The following TARP variants were observed in gnomAD, a reference collection of about 807,000 sequenced individuals.
chr7:38,267,690 A>G, the TARP span, among the ~76,000 whole-genome samples: 1 of 150,924 alleles, frequency 6.6e-6, no homozygotes. Flanking sequence ...GAGACAGTGT[A>G]TATTTCTCCA....
At chr7:38,264,210 C>T in the TARP span, among the ~76,000 whole-genome samples, 1 of 151,766 alleles carries the variant, frequency 6.6e-6, no homozygotes, top group African/African-American at 2.4e-5. Flanking sequence ...AAACAAACTT[C>T]CAAGAAAGAG....
the TARP span, among the ~76,000 whole-genome samples, chr7:38,263,550 C>A: frequency 6.6e-6 from 1 of 151,254 alleles, no homozygotes; most frequent in Non-Finnish European, 1.5e-5. Flanking sequence ...GATTTCAGTG[C>A]AATTCTTTCT....
At chr7:38,265,929 A>G in the TARP span, among the ~76,000 whole-genome samples, 1 of 151,656 alleles carries the variant, frequency 6.6e-6, no homozygotes, top group Non-Finnish European at 1.5e-5. Context: ...ATGCTGGACG[A>G]AAACCTGGCC....
chr7:38,272,587 G>C, the TARP span, among the ~76,000 whole-genome samples: 1 of 146,442 alleles, frequency 6.8e-6, no homozygotes, highest in South Asian at 2.2e-4. Context: ...AATGTGATGA[G>C]GGTCAATATC....
chr7:38,262,799 C>A, the TARP span, among the ~76,000 whole-genome samples: 1 of 151,226 alleles, frequency 6.6e-6, no homozygotes, highest in African/African-American at 2.4e-5. Context: ...GGAGTACAGG[C>A]ACATGTCAGC....
the TARP span, among the ~76,000 whole-genome samples, chr7:38,263,232 C>T: frequency 4.0e-5 from 6 of 151,826 alleles, no homozygotes; most frequent in Non-Finnish European, 7.4e-5. Flanking sequence ...GTTTAATTCC[C>T]CAATAACACT....
the TARP span, chr7:38,265,560 A>G: frequency 6.2e-7 from 1 of 1,612,280 alleles, no homozygotes; most frequent in Admixed American, 1.7e-5. Context: ...TCTTAATAAC[A>G]TCAGGGAAAA....
At chr7:38,267,004 G>A in the TARP span, among the ~76,000 whole-genome samples, 38 of 151,684 alleles carry the variant, frequency 2.5e-4, no homozygotes, top group Admixed American at 2.5e-3. Context: ...TTCATTTGAA[G>A]TTTAAGAATG....
At chr7:38,261,778 A>G in the TARP span, among the ~76,000 whole-genome samples, 1 of 149,838 alleles carries the variant, frequency 6.7e-6, no homozygotes, top group Non-Finnish European at 1.5e-5. Flanking sequence ...AAGCTGAGGC[A>G]GGAGAATCAC....
At chr7:38,265,320 T>G in the TARP span, 1 of 1,532,276 alleles carries the variant, frequency 6.5e-7, no homozygotes, top group Non-Finnish European at 9.0e-7. Context: ...AAAGAAGTGT[T>G]CTGACAGATG....
chr7:38,267,385 T>G, the TARP span, among the ~76,000 whole-genome samples: 4 of 152,108 alleles, frequency 2.6e-5, no homozygotes, highest in South Asian at 8.3e-4. Context: ...GTTACAATTC[T>G]TTCTATTTTG....
At chr7:38,273,448 G>A in the TARP span, 2 of 693,530 alleles carry the variant, frequency 2.9e-6, no homozygotes, top group Admixed American at 2.6e-5. Flanking sequence ...GACTCCTAAG[G>A]CATGAACCAA....
chr7:38,271,940 G>T, the TARP span, among the ~76,000 whole-genome samples: 2 of 151,264 alleles, frequency 1.3e-5, no homozygotes. Flanking sequence ...GTAGACATTT[G>T]ACTGTTTTAC....
chr7:38,269,048 A>G, the TARP span, among the ~76,000 whole-genome samples: 1 of 151,804 alleles, frequency 6.6e-6, no homozygotes, highest in African/African-American at 2.4e-5. Flanking sequence ...TAATCACTCA[A>G]TTTCACTAAG....
the TARP span, among the ~76,000 whole-genome samples, chr7:38,271,209 T>C: frequency 6.6e-6 from 1 of 151,504 alleles, no homozygotes; most frequent in Non-Finnish European, 1.5e-5. Flanking sequence ...ATTTAGCATG[T>C]TTCTCCTTTG....
At chr7:38,270,812 G>T in the TARP span, among the ~76,000 whole-genome samples, 1 of 150,790 alleles carries the variant, frequency 6.6e-6, no homozygotes, top group African/African-American at 2.4e-5. Context: ...TATGCAGTGG[G>T]TTTTTCATGA....
the TARP span, among the ~76,000 whole-genome samples, chr7:38,264,546 A>C: frequency 0.084 from 12,766 of 151,146 alleles, 1,869 homozygotes; most frequent in African/African-American, 0.29. Context: ...AGCTGAGATC[A>C]TACCATAGCA....
At chr7:38,273,505 G>T in the TARP span, 2 of 1,123,710 alleles carry the variant, frequency 1.8e-6, no homozygotes, top group Non-Finnish European at 2.6e-6. Context: ...TGACCAAGGA[G>T]GGAATCCTAG....
chr7:38,269,395 T>A, the TARP span: 1 of 652,572 alleles, frequency 1.5e-6, no homozygotes, highest in South Asian at 1.7e-5. Context: ...CCCATCCAAT[T>A]CCTCTTTTTT....
Sources: gnomAD v4.1 joint callset for allele counts (sites outside exome capture counted in the v4.1 genomes callset) on GRCh38, gnomAD v4.1.1 for gene constraint, MANE v1.5 for transcripts.